The following ROBO2 variants were observed in gnomAD, a reference collection of about 807,000 sequenced individuals.
ROBO2 encodes the protein roundabout homolog 2.
ROBO2 carries 53 observed loss-of-function variants against 160.8 expected under a neutral mutation model. The ratio of observed to expected loss-of-function variants is 0.33; its 90% confidence interval spans 0.26 to 0.41. The LOEUF is 0.41. ROBO2 is among the 10% of genes least tolerant of loss of function. ROBO2 has a pLI of 1.00. For missense variants in ROBO2, 1,577 were observed against 1,722.4 expected (o/e 0.92, Z 1.49); for synonymous variants, 664 against 611.7 (o/e 1.09, Z -1.26).
intron 2 of ROBO2, among the ~76,000 whole-genome samples, chr3:76,793,861 G>A (rs923139158): frequency 2.6e-5 from 4 of 151,876 alleles, no homozygotes; most frequent in African/African-American, 9.7e-5. Context: ...AATATGTAGT[G>A]TTCTAATTCT....
At position 76,721,944 on chromosome 3, in the gene ROBO2, G is replaced by T. The variant is rs1160310485; in HGVS notation, c.110-376070G>T. Reference sequence around the variant, plus strand: ...TCATTGCCAAGGGGGTAGAGTTGAGGTAGGAAGTCATTCTGCTGTCTGCCA... The same window carrying T: ...TCATTGCCAAGGGGGTAGAGTTGAGTTAGGAAGTCATTCTGCTGTCTGCCA... On this transcript the variant is annotated intron_variant, in intron 2 of 26. Transcript: ENST00000487694. Among the ~76,000 whole-genome samples, 9 of 152,290 alleles carry T rather than the reference G, an allele frequency of 5.9e-5. No individual in the cohort carries two copies. In the East Asian group the frequency reaches 1.7e-3, roughly 29 times the overall value.
intron 2 of ROBO2, among the ~76,000 whole-genome samples, chr3:77,355,090 T>C (rs2068874954): frequency 6.6e-6 from 1 of 152,174 alleles, no homozygotes; most frequent in Non-Finnish European, 1.5e-5. Context: ...CAAAGAGTTC[T>C]ATCACATACC....
intron 2 of ROBO2, among the ~76,000 whole-genome samples, chr3:76,011,202 A>G (rs1287033595): frequency 6.6e-6 from 1 of 152,106 alleles, no homozygotes; most frequent in Non-Finnish European, 1.5e-5. Context: ...TGCAGGGGCT[A>G]ATCTTGAGTC....
chr3:76,916,994 A>C (rs1416743724), intron 2 of ROBO2, among the ~76,000 whole-genome samples: 6 of 152,158 alleles, frequency 3.9e-5, no homozygotes, highest in Admixed American at 3.9e-4. Context: ...CGCAAACAAC[A>C]CATTGACCAA....
intron 2 of ROBO2, among the ~76,000 whole-genome samples, chr3:76,384,583 A>G (rs1315700565): frequency 6.6e-6 from 1 of 152,136 alleles, no homozygotes; most frequent in African/African-American, 2.4e-5. Flanking sequence ...AGACTGGGTA[A>G]TTTATAAAGG....
intron 2 of ROBO2, among the ~76,000 whole-genome samples, chr3:77,219,856 A>C (rs1452328333): frequency 2.0e-5 from 3 of 151,770 alleles, no homozygotes; most frequent in African/African-American, 7.3e-5. Context: ...AATCTTAAAA[A>C]TATTTGTGAA....
intron 2 of ROBO2, among the ~76,000 whole-genome samples, chr3:76,456,272 A>G (rs1415519728): frequency 6.6e-6 from 1 of 152,214 alleles, no homozygotes; most frequent in African/African-American, 2.4e-5. Context: ...GGAGTTATGT[A>G]GTTACATTGA....
rs146524073 is a variant in ROBO2, at chr3:77,033,899, T to G, written c.110-64115T>G. Among the ~76,000 whole-genome samples the G allele has an allele frequency of 5.1e-3, 776 of 152,124 alleles. 9 individuals are homozygous for G. The highest frequency in any genetic ancestry group is 0.018 in the African/African-American group (742 of 41,544). On this transcript the variant is annotated intron_variant, in intron 2 of 26. Coordinates refer to the ROBO2 transcript ENST00000487694. ...AATATAAGAAACCAGCCATTGAAAC[T>G]TTTTTCTTAAATTACGTTAAAACTG...
chr3:77,350,681 A>G (rs1044852003), intron 2 of ROBO2, among the ~76,000 whole-genome samples: 1 of 152,150 alleles, frequency 6.6e-6, no homozygotes, highest in African/African-American at 2.4e-5. Flanking sequence ...GGGTTTTCAT[A>G]GAAGGAAGGA....
At chr3:76,249,119 TTAA>T (rs746515878) in intron 2 of ROBO2, among the ~76,000 whole-genome samples, 2 of 152,124 alleles carry the variant, frequency 1.3e-5, no homozygotes, top group Non-Finnish European at 2.9e-5. Context: ...TTATAAGTAG[TTAA>T]TAATTATACT....
Position 76,772,113 on chromosome 3 carries a change from A to G in ROBO2, c.110-325901A>G, listed in dbSNP as rs144686068. On this transcript the variant is annotated intron_variant, in intron 2 of 26. Coordinates refer to the ROBO2 transcript ENST00000487694. ...TTTTCAGGGCTGTTGAGGGTTTGGG[A>G]CAGCAAAAGAGCCCCACGGCATGTG... is the stretch of plus-strand genomic sequence containing the variant. 3.3e-5 allele frequency among the ~76,000 whole-genome samples: 5 copies of G among 151,420 alleles called. 1 individual carries two copies. The East Asian group carries it at 9.8e-4, about 30-fold the overall frequency.
intron 2 of ROBO2, among the ~76,000 whole-genome samples, chr3:76,412,810 G>A (rs1322281072): frequency 6.6e-6 from 1 of 152,186 alleles, no homozygotes; most frequent in African/African-American, 2.4e-5. Flanking sequence ...AGTGCAAGCT[G>A]TCAGTGAATC....
intron 2 of ROBO2, among the ~76,000 whole-genome samples, chr3:77,403,535 A>AG (rs2075992817): frequency 6.6e-6 from 1 of 150,912 alleles, no homozygotes; most frequent in South Asian, 2.1e-4. Context: ...CATGAATGAC[A>AG]GGATGCCCTT....
In ROBO2 at chr3:77,282,589, A is replaced by G. The variant is rs1014945521; in HGVS notation, c.388+184249A>G. Among the ~76,000 whole-genome samples, 29 of 152,094 alleles carry G rather than the reference A, an allele frequency of 1.9e-4. 1 individual carries two copies. The highest frequency in any genetic ancestry group is 6.6e-5 in the Admixed American group (1 of 15,264). On this transcript the variant is annotated intron_variant, in intron 2 of 25. Transcript: ENST00000461745. ...TATGAAAAGTTGAAGAGAAATAAAT[A>G]TAATATTCCCAAATCTATCCACAAC... is the stretch of plus-strand genomic sequence containing the variant.
intron 21 of ROBO2, among the ~76,000 whole-genome samples, chr3:77,610,009 A>T (rs2094596540): frequency 6.6e-6 from 1 of 150,896 alleles, no homozygotes; most frequent in Non-Finnish European, 1.5e-5. Context: ...GAAAATTATT[A>T]TTTTAATTAT....
intron 21 of ROBO2, among the ~76,000 whole-genome samples, chr3:77,609,876 G>T (rs2094593900): frequency 6.9e-6 from 1 of 144,722 alleles, no homozygotes; most frequent in Non-Finnish European, 1.5e-5. Flanking sequence ...CCTAGTATTT[G>T]CTAAAAAAAG....
intron 2 of ROBO2, among the ~76,000 whole-genome samples, chr3:77,350,070 A>ATAT (rs202039515): frequency 6.5e-4 from 97 of 148,448 alleles, no homozygotes; most frequent in African/African-American, 2.0e-3. Flanking sequence ...ACATTAAAAA[A>ATAT]AAATATATAT....
intron 2 of ROBO2, among the ~76,000 whole-genome samples, chr3:76,181,589 A>G (rs543178927): frequency 1.3e-4 from 20 of 152,164 alleles, no homozygotes; most frequent in Non-Finnish European, 2.6e-4. Flanking sequence ...GATATTTCCT[A>G]TGCTTCAAGT....
intron 2 of ROBO2, among the ~76,000 whole-genome samples, chr3:76,892,213 G>A (rs1290301350): frequency 6.6e-6 from 1 of 152,126 alleles, no homozygotes; most frequent in Non-Finnish European, 1.5e-5. Context: ...CCCCGTGGCT[G>A]TATGGAGGTC....
Sources: gnomAD v4.1 joint callset for allele counts (sites outside exome capture counted in the v4.1 genomes callset) on GRCh38, gnomAD v4.1.1 for gene constraint, MANE v1.5 for transcripts, NCBI Gene and HGNC (gene_info 2026-07-23, HGNC 2026-07-21) for gene names.